Variants in KIRREL3 observed in about 807,000 individuals in gnomAD.
The protein encoded by KIRREL3 is kirre like nephrin family adhesion molecule 3.
KIRREL3 carries 36 observed loss-of-function variants against 89.7 expected under a neutral mutation model. The ratio of observed to expected loss-of-function variants is 0.40; its 90% CI spans 0.31 to 0.53. The LOEUF (loss-of-function observed/expected upper bound fraction) is 0.53. Ranked by LOEUF, KIRREL3 falls within the 20% of genes least tolerant of loss-of-function variation. The probability of loss-of-function intolerance (pLI) is 0.49; values close to 1 mark genes in which losing one functional copy is unlikely to be tolerated. For synonymous variants in KIRREL3, 445 were observed against 441.4 expected (o/e 1.01, Z -0.10); for missense variants, 864 against 1,056.6 (o/e 0.82, Z 2.53).
chr11:126,928,980 AAG>A (rs1947828741), intron 1 of KIRREL3, among the ~76,000 whole-genome samples: 1 of 151,930 alleles, frequency 6.6e-6, no homozygotes, highest in Admixed American at 6.6e-5. Context: ...CATGGACAGA[AAG>A]AGAGAGTAAA....
Position 126,521,578 on chromosome 11 carries a change from C to T in KIRREL3, c.284-114G>A, listed in dbSNP as rs550886482. On this transcript the variant is annotated intron_variant, in intron 3 of 16. Coordinates refer to ENST00000525144, the MANE Select transcript of KIRREL3 (RefSeq NM_032531.4). This position sits in a 1 kb window ranked among gnomAD's most constrained non-coding sequence, Gnocchi z 4.1. ...GGGCCATTCTACAAGGCTGGCAGAG[C>T]GGGTGATTGCTCAGGGCTCTGATCT... The T allele has an allele frequency of 2.7e-5, 24 of 904,270 alleles. No homozygotes were observed. Among genetic ancestry groups the T allele is most frequent in the Admixed American group, 2.4e-4 (10 of 41,130 alleles). The allele number at this position is 904,270 out of a possible 1,614,324, so 56.0% of individuals were successfully genotyped here. A position where few individuals can be genotyped will look rare whatever the true frequency, so the allele number is the denominator to read the frequency against.
intron 4 of KIRREL3, among the ~76,000 whole-genome samples, chr11:126,510,469 C>CTTCCTTCCTTCA (rs1439371645): frequency 3.4e-5 from 4 of 117,138 alleles, no homozygotes; most frequent in African/African-American, 1.1e-4. Context: ...TCCTTCCTTC[C>CTTCCTTCCTTCA]TTTTTTTTGA....
rs775344786 is a variant in KIRREL3 at position 126,594,096 on chromosome 11, A to G, written c.56-31184T>C. The stretch of plus-strand genomic sequence containing the variant: ...CTCCCTTCCCTCTGTCCATTGGCAC[A>G]GTGTATCCTCCTCCCATCCTCCACC... On this transcript the variant is annotated intron_variant, in intron 1 of 16. Transcript: ENST00000525144. This position sits in a 1 kb window ranked among gnomAD's most constrained non-coding sequence, Gnocchi z 5.0. Among the ~76,000 whole-genome samples the G allele has an allele frequency of 5.3e-5, 8 of 152,152 alleles. No homozygotes were observed. The highest frequency in any genetic ancestry group is 8.8e-5 in the Non-Finnish European group (6 of 68,012).
At chr11:126,806,314 C>G (rs527892407) in intron 1 of KIRREL3, among the ~76,000 whole-genome samples, 1 of 152,190 alleles carries the variant, frequency 6.6e-6, no homozygotes, top group African/African-American at 2.4e-5. Context: ...CAAATGCCAT[C>G]CTTTGCCTCT....
intron 1 of KIRREL3, among the ~76,000 whole-genome samples, chr11:126,706,914 C>A (rs193027252): frequency 3.2e-4 from 48 of 149,882 alleles, no homozygotes; most frequent in African/African-American, 1.2e-3. Flanking sequence ...TTGTGCTATA[C>A]ATTTTTTTCC....
At chr11:126,859,176 T>G (rs2134605496) in intron 1 of KIRREL3, among the ~76,000 whole-genome samples, 1 of 152,338 alleles carries the variant, frequency 6.6e-6, no homozygotes, top group South Asian at 2.1e-4. Flanking sequence ...CTGTCCTTGG[T>G]TCCAAGGATG....
rs546994254 is a variant in KIRREL3, at chr11:126,696,690, C to T, written c.56-133778G>A. On this transcript the variant is annotated intron_variant, in intron 1 of 16. Coordinates refer to ENST00000525144, the MANE Select transcript of KIRREL3 (RefSeq NM_032531.4). This position sits in a 1 kb window ranked among gnomAD's most constrained non-coding sequence, Gnocchi z 4.4. The stretch of plus-strand genomic sequence containing the variant: ...ATCGCATGGCTCATAAGGCCCTTGG[C>T]GAGTTGACATCAGGCTCCCTCTCTC... Among the ~76,000 whole-genome samples the T allele has an allele frequency of 2.7e-4, 41 of 152,276 alleles. No homozygotes were observed. Among genetic ancestry groups the T allele is most frequent in the Non-Finnish European group, 5.4e-4 (37 of 68,032 alleles).
rs768694146 is a variant in KIRREL3 at position 126,519,847 on chromosome 11, C to T, written c.433+1468G>A. 1.2e-4 allele frequency among the ~76,000 whole-genome samples: 18 copies of T among 152,184 alleles called. No homozygotes were observed. Among genetic ancestry groups the T allele is most frequent in the African/African-American group, 3.6e-4 (15 of 41,438 alleles). On this transcript the variant is annotated intron_variant, in intron 4 of 16. Coordinates refer to ENST00000525144, the MANE Select transcript of KIRREL3 (RefSeq NM_032531.4). This position sits in a 1 kb window ranked among gnomAD's most constrained non-coding sequence, Gnocchi z 4.3. The stretch of plus-strand genomic sequence containing the variant: ...GCAGACTCATTCTCATTTTAGTCAC[C>T]GTCTTGGGAGAAATGAGAACGGCGC...
intron 1 of KIRREL3, among the ~76,000 whole-genome samples, chr11:126,841,046 T>C (rs1300152078): frequency 6.6e-6 from 1 of 152,260 alleles, no homozygotes; most frequent in Non-Finnish European, 1.5e-5. Context: ...GTGATTGTTG[T>C]TAATCTCTTA....
chr11:127,000,547 G>C lies in KIRREL3; in HGVS notation c.-38C>G. 1 of 1,581,504 alleles carries C rather than the reference G, an allele frequency of 6.3e-7. No individual in the cohort carries two copies. The highest frequency in any genetic ancestry group is 8.6e-7 in the Non-Finnish European group (1 of 1,164,024). On this transcript the variant is annotated 5_prime_UTR_variant, in exon 1 of 17. Transcript: ENST00000525144. This position sits in a 1 kb window ranked among gnomAD's most constrained non-coding sequence, Gnocchi z 7.1. ...CGAAGGAAAGCCGGCGGGGTAACTT[G>C]GCTGTGGTTAGTTTCTCTTCCTTGG... is the stretch of plus-strand genomic sequence containing the variant.
rs1338075744 is a variant in KIRREL3 at position 126,750,533 on chromosome 11, A to AG, written c.56-187622dup. ...TGAATGTAGCAGCTAGGCTTTTCTT[A>AG]GGGCAACTGGGCTGGGCCAGGGTCA... On this transcript the variant is annotated intron_variant, in intron 1 of 16. Coordinates refer to ENST00000525144, the MANE Select transcript of KIRREL3 (RefSeq NM_032531.4). This position sits in a 1 kb window ranked among gnomAD's most constrained non-coding sequence, Gnocchi z 4.2. Among the ~76,000 whole-genome samples, 1 of 152,212 alleles carries AG rather than the reference A, an allele frequency of 6.6e-6. No homozygotes were observed. Among genetic ancestry groups the AG allele is most frequent in the Admixed American group, 6.5e-5 (1 of 15,282 alleles).
At chr11:126,658,738 T>C (rs2135003487) in intron 1 of KIRREL3, among the ~76,000 whole-genome samples, 1 of 152,334 alleles carries the variant, frequency 6.6e-6, no homozygotes, top group African/African-American at 2.4e-5. Context: ...AGGCTTTTCT[T>C]CCACTTCCTG....
chr11:126,825,939 T>C (rs897242545), intron 1 of KIRREL3, among the ~76,000 whole-genome samples: 2 of 152,242 alleles, frequency 1.3e-5, no homozygotes, highest in Non-Finnish European at 2.9e-5. Context: ...AATAATCATA[T>C]CAAGGAGAAT....
At chr11:126,699,283 C>A (rs1240215737) in intron 1 of KIRREL3, among the ~76,000 whole-genome samples, 1 of 152,186 alleles carries the variant, frequency 6.6e-6, no homozygotes, top group Non-Finnish European at 1.5e-5. Context: ...GATATCATAA[C>A]CGCATCTTCC....
intron 1 of KIRREL3, among the ~76,000 whole-genome samples, chr11:126,968,059 CA>C (rs1348557923): frequency 6.6e-6 from 1 of 152,090 alleles, no homozygotes; most frequent in African/African-American, 2.4e-5. Flanking sequence ...TAGACATTTG[CA>C]AAGGACTTTG....
At chr11:126,584,273 G>A (rs1184467633) in intron 1 of KIRREL3, among the ~76,000 whole-genome samples, 1 of 152,200 alleles carries the variant, frequency 6.6e-6, no homozygotes, top group Non-Finnish European at 1.5e-5. Context: ...CGGAATTAGG[G>A]CGTTGGCGTT....
intron 1 of KIRREL3, among the ~76,000 whole-genome samples, chr11:126,577,179 G>A (rs925141043): frequency 6.6e-6 from 1 of 152,176 alleles, no homozygotes; most frequent in Admixed American, 6.5e-5. Context: ...TGTGGCACAT[G>A]GATTAAGTAT....
rs1201457169 is a variant in KIRREL3 at position 126,655,124 on chromosome 11, GCAGCTCTGCC to G, written c.56-92222_56-92213del. 1.3e-5 allele frequency among the ~76,000 whole-genome samples: 2 copies of G among 152,264 alleles called. No individual in the cohort carries two copies. The highest frequency in any genetic ancestry group is 2.9e-5 in the Non-Finnish European group (2 of 68,046). On this transcript the variant is annotated intron_variant, in intron 1 of 16. Transcript: ENST00000525144. This position sits in a 1 kb window ranked among gnomAD's most constrained non-coding sequence, Gnocchi z 5.0. ...TCTCCGTGTTGGTGGCTGTGATTTG[GCAGCTCTGCC>G]GAAGATTTGTGAGATGGAGAAGAAA...
Position 126,995,355 on chromosome 11 carries a change from CCTT to C in KIRREL3, c.55+5097_55+5099del. 2.2e-6 allele frequency: 1 copy of C among 456,182 alleles called. No individual in the cohort carries two copies. Among genetic ancestry groups the C allele is most frequent in the Non-Finnish European group, 4.4e-6 (1 of 226,936 alleles). 28.3% of individuals were successfully genotyped at this position (456,182 alleles called of 1,614,324 possible). ...TCCAGCATGCTCATGATCTTACTGA[CCTT>C]CTCCACTGATGAATTAGAACACCCC... On this transcript the variant is annotated intron_variant, in intron 1 of 16. Transcript: ENST00000525144. The surrounding 1 kb of genome is among the most constrained non-coding windows in gnomAD (Gnocchi z 6.5).
Sources: allele counts gnomAD v4.1 joint callset (sites outside exome capture counted in the v4.1 genomes callset), GRCh38; gene constraint gnomAD v4.1.1; non-coding constraint Gnocchi (gnomAD v3.1); transcripts MANE v1.5; gene names NCBI Gene and HGNC (gene_info 2026-07-23, HGNC 2026-07-21).